The following EPS15 variants were observed in gnomAD, a reference collection of about 807,000 sequenced individuals.
EPS15 encodes epidermal growth factor receptor pathway substrate 15, also known as epidermal growth factor receptor substrate 15.
A neutral mutation model predicts 113.8 loss-of-function variants in EPS15; 72 were observed. The observed-to-expected ratio is 0.63, with a 90% CI of 0.52 to 0.77. EPS15 has a LOEUF of 0.77. Among genes scored for constraint, EPS15 ranks in the 30% least tolerant of loss-of-function variants. EPS15 has a pLI of 0.00. For missense variants in EPS15, 1,048 were observed against 1,045.8 expected, an observed-to-expected ratio of 1.00 and a Z score of -0.03; for synonymous variants, 344 against 363.4, an observed-to-expected ratio of 0.95 and a Z score of 0.61.
chr1:51,517,450 A>G (rs1644742336), intron 1 of EPS15, among the ~76,000 whole-genome samples: 1 of 152,240 alleles, frequency 6.6e-6, no homozygotes, highest in East Asian at 1.9e-4. Flanking sequence ...AAAACATGGT[A>G]TTACCCAGGG....
At chr1:51,487,336 TACA>T (rs1201483682) in intron 1 of EPS15, among the ~76,000 whole-genome samples, 8 of 152,204 alleles carry the variant, frequency 5.3e-5, no homozygotes, top group Non-Finnish European at 1.0e-4. Context: ...TGTTATAATG[TACA>T]ACAAAATGTT....
intron 1 of EPS15, among the ~76,000 whole-genome samples, chr1:51,482,057 C>T (rs1046805393): frequency 1.1e-4 from 17 of 152,132 alleles, no homozygotes; most frequent in African/African-American, 3.6e-4. Context: ...GTAGTCCCAG[C>T]TACTTGGGAG....
chr1:51,405,827 A>G (rs1356883966), intron 16 of EPS15, 78 bp downstream of exon 16: 32 of 1,189,226 alleles, frequency 2.7e-5, no homozygotes, highest in Non-Finnish European at 3.6e-5. Flanking sequence ...CCATGTATTT[A>G]TATTAGATAT....
At chr1:51,447,853 G>A (rs559774527) in intron 9 of EPS15, 193 bp downstream of exon 9, 1 of 438,416 alleles carries the variant, frequency 2.3e-6, no homozygotes, top group East Asian at 1.6e-4. Context: ...CCTTTTAATT[G>A]CTCTATCTTT....
At position 51,387,258 on chromosome 1, in the gene EPS15, C is replaced by G. The variant is rs1570159771; in HGVS notation, c.2119+7123G>C. Among the ~76,000 whole-genome samples, 6 of 151,908 alleles carry G rather than the reference C, an allele frequency of 3.9e-5. No homozygotes were observed. The East Asian group carries it at 9.7e-4, about 25-fold the overall frequency. On this transcript the variant is annotated intron_variant, in intron 21 of 24. Coordinates refer to ENST00000371733, the MANE Select transcript of EPS15 (RefSeq NM_001981.3). ...AAGGAGAAATAAAATACTTTACAGA[C>G]AAGCAAATGCTGAGAGATTTTGTCA...
chr1:51,446,813 C>A, intron 10 of EPS15, 147 bp downstream of exon 10: 1 of 668,234 alleles, frequency 1.5e-6, no homozygotes, highest in Non-Finnish European at 2.5e-6. Flanking sequence ...GTCCATTAGC[C>A]AGAAGAATTC....
chr1:51,494,382 T>C (rs11205850), intron 1 of EPS15, among the ~76,000 whole-genome samples: 43,412 of 152,168 alleles, frequency 0.29, 7,999 homozygotes, highest in African/African-American at 0.52. Flanking sequence ...TTTTACTTTC[T>C]CTTCCACCTT....
chr1:51,514,653 G>T (rs1056748269), intron 1 of EPS15, among the ~76,000 whole-genome samples: 1 of 152,066 alleles, frequency 6.6e-6, no homozygotes, highest in Non-Finnish European at 1.5e-5. Context: ...TCTATTACAC[G>T]TTAGTCTGTT....
chr1:51,402,398 T>C (rs549270932), intron 18 of EPS15, 37 bp downstream of exon 18: 9 of 1,113,914 alleles, frequency 8.1e-6, no homozygotes, highest in South Asian at 7.2e-5. Flanking sequence ...AGTCTTTTTT[T>C]TGGGTAAATC....
At chr1:51,373,326 A>C (rs147638457) in intron 21 of EPS15, 1 of 152,752 alleles carries the variant, frequency 6.5e-6, no homozygotes, top group Non-Finnish European at 1.5e-5. Context: ...TTAGAGCTCT[A>C]TGCCTCGGGT....
chr1:51,487,792 A>G (rs952408574), intron 1 of EPS15, among the ~76,000 whole-genome samples: 13 of 152,192 alleles, frequency 8.5e-5, no homozygotes, highest in Admixed American at 5.2e-4. Context: ...TGATAACTAC[A>G]CTAATGTGAT....
intron 2 of EPS15, among the ~76,000 whole-genome samples, chr1:51,478,170 A>C (rs1004708283): frequency 6.6e-6 from 1 of 152,150 alleles, no homozygotes; most frequent in Non-Finnish European, 1.5e-5. Flanking sequence ...TAGGATAGTT[A>C]GCTCTCCTTG....
intron 21 of EPS15, among the ~76,000 whole-genome samples, chr1:51,379,431 T>C (rs1344781325): frequency 6.6e-6 from 1 of 151,960 alleles, no homozygotes; most frequent in Non-Finnish European, 1.5e-5. Context: ...GGATCCTCAA[T>C]AAAATTATCA....
intron 7 of EPS15, 79 bp downstream of exon 7, chr1:51,463,594 G>C: frequency 1.4e-6 from 1 of 720,792 alleles, no homozygotes; most frequent in East Asian, 3.0e-5. Flanking sequence ...TTTTAACAAA[G>C]AGTTATACAT....
rs755352816 is a variant in EPS15, at chr1:51,409,670, C to A, written c.1140G>T (p.Glu380Asp). 6.2e-7 allele frequency: 1 copy of A among 1,611,590 alleles called. No homozygotes were observed. The highest frequency in any genetic ancestry group is 1.1e-5 in the South Asian group (1 of 90,666). ...CCTGTAGTTTTTGCAGATTAGTATTCTCCCTTTGAACTTCATCTTGAAGAT... is the reference window on the plus strand; with the variant it reads ...CCTGTAGTTTTTGCAGATTAGTATTATCCCTTTGAACTTCATCTTGAAGAT... Reference protein sequence around the residue: ...VQDLQDEVQRENTNLQKLQAQ... With the variant: ...VQDLQDEVQRDNTNLQKLQAQ... Residue 380 changes from glutamate (E) to aspartate (D), a missense_variant, in exon 14 of 25, where the codon GAG becomes GAT. Coordinates refer to ENST00000371733, the MANE Select transcript of EPS15 (RefSeq NM_001981.3).
At chr1:51,454,793 A>T (rs568257688) in intron 8 of EPS15, among the ~76,000 whole-genome samples, 1 of 152,336 alleles carries the variant, frequency 6.6e-6, no homozygotes, top group East Asian at 1.9e-4. Flanking sequence ...TAATGCACCA[A>T]TGTTGGTTTT....
At chr1:51,468,413 A>G in intron 5 of EPS15, 60 bp downstream of exon 5, 1 of 1,192,844 alleles carries the variant, frequency 8.4e-7, no homozygotes, top group Non-Finnish European at 1.3e-6. Context: ...TTAATTTTCA[A>G]ATAACGTGGT....
At chr1:51,359,376 G>A (rs1300497577) in intron 24 of EPS15, among the ~76,000 whole-genome samples, 3 of 150,640 alleles carry the variant, frequency 2.0e-5, no homozygotes, top group African/African-American at 4.9e-5. Flanking sequence ...CCTGGGAGGT[G>A]GAGGTTGCAG....
intron 1 of EPS15, among the ~76,000 whole-genome samples, chr1:51,509,720 C>G (rs1644584652): frequency 1.3e-5 from 2 of 152,208 alleles, no homozygotes; most frequent in Admixed American, 6.5e-5. Flanking sequence ...AAATGAAAAA[C>G]TACCTTCTAC....
Sources: gnomAD v4.1 joint callset for allele counts (sites outside exome capture counted in the v4.1 genomes callset) on GRCh38, gnomAD v4.1.1 for gene constraint, MANE v1.5 for transcripts, NCBI Gene and HGNC (gene_info 2026-07-23, HGNC 2026-07-21) for gene names.